PFKFB3: variants seen among roughly 807,000 people sequenced by gnomAD.
PFKFB3 encodes the protein 6-phosphofructo-2-kinase/fructose-2,6-biphosphatase 3, also known as 6-phosphofructo-2-kinase/fructose-2,6-bisphosphatase 3.
Under a neutral mutation model 68.0 loss-of-function variants are expected in PFKFB3, and 33 were observed. The observed-to-expected ratio is 0.49, with a 90% CI of 0.37 to 0.65. PFKFB3 has a LOEUF of 0.65. PFKFB3 is among the 30% of genes least tolerant of loss of function. The pLI is 0.00. For synonymous variants in PFKFB3, 315 were observed against 288.2 expected (o/e 1.09, Z -0.94); for missense variants, 586 against 712.2 (o/e 0.82, Z 2.02).
chr10:6,216,348 T>C (rs2516623), intron 4 of PFKFB3, among the ~76,000 whole-genome samples, 157 bp downstream of exon 4: 135,574 of 151,940 alleles, frequency 0.89, 62,503 homozygotes, highest in East Asian at 1. Context: ...GGATGTGGGG[T>C]GGACTCAGGG....
In PFKFB3 at chr10:6,195,116, C is replaced by T. The variant is rs149278267; in HGVS notation, c.17-18507C>T. ...TGAACTCCTGAGCTAAAGTGATCTG[C>T]CTGCCTCAGCCTCCCAAAGTGCTGG... is the stretch of plus-strand genomic sequence containing the variant. On this transcript the variant is annotated intron_variant, in intron 1 of 14. Transcript: ENST00000379789. Among the ~76,000 whole-genome samples, 25 of 152,266 alleles carry T rather than the reference C, an allele frequency of 1.6e-4. No individual in the cohort carries two copies. The East Asian group carries it at 4.8e-3, about 29-fold the overall frequency.
chr10:6,170,341 C>T (rs1842270122), intron 1 of PFKFB3, among the ~76,000 whole-genome samples: 1 of 152,204 alleles, frequency 6.6e-6, no homozygotes, highest in Non-Finnish European at 1.5e-5. Flanking sequence ...AACCCACCTT[C>T]TAGACTCACT....
rs1419769694 is a variant in PFKFB3, at chr10:6,154,874, C to T, written c.16+9861C>T. Among the ~76,000 whole-genome samples the T allele has an allele frequency of 2.0e-5, 3 of 152,312 alleles. No homozygotes were observed. Among genetic ancestry groups the T allele is most frequent in the East Asian group, 3.9e-4 (2 of 5,178 alleles). ...CTGGGTTGTAGTGAGCTGCGGGGAG[C>T]CCGCACTGCCACAGCAGCTGCACCT... On this transcript the variant is annotated intron_variant, in intron 1 of 14. Transcript: ENST00000379789. The surrounding 1 kb of genome is among the most constrained non-coding windows in gnomAD (Gnocchi z 4.6).
At chr10:6,278,485 C>A in the PFKFB3 span, among the ~76,000 whole-genome samples, 15 of 152,018 alleles carry the variant, frequency 9.9e-5, no homozygotes, top group Non-Finnish European at 2.1e-4. Flanking sequence ...CCATGTTGTT[C>A]AGGCTGGTCT....
At chr10:6,211,600 C>T (rs1480239688) in intron 1 of PFKFB3, among the ~76,000 whole-genome samples, 1 of 152,166 alleles carries the variant, frequency 6.6e-6, no homozygotes, top group Admixed American at 6.5e-5. Context: ...ACCATCTCTC[C>T]GTGTGCCCCT....
intron 13 of PFKFB3, chr10:6,224,708 A>G (rs1050497496): frequency 6.3e-6 from 2 of 318,958 alleles, no homozygotes; most frequent in Non-Finnish European, 1.2e-5. Context: ...GCTGGTCTTG[A>G]ACTCCTGGGC....
At chr10:6,299,648 A>G in the PFKFB3 span, among the ~76,000 whole-genome samples, 1 of 152,222 alleles carries the variant, frequency 6.6e-6, no homozygotes, top group Non-Finnish European at 1.5e-5. Flanking sequence ...TTATACAGGA[A>G]TTGCTTGACC....
intron 1 of PFKFB3, among the ~76,000 whole-genome samples, chr10:6,195,818 C>T (rs764629243): frequency 6.6e-6 from 1 of 152,180 alleles, no homozygotes. Context: ...TGGTGTGATA[C>T]GTGAGTTTCT....
upstream of PFKFB3, among the ~76,000 whole-genome samples, chr10:6,199,278 T>C (rs372055245): frequency 5.3e-5 from 8 of 152,206 alleles, no homozygotes; most frequent in East Asian, 1.9e-4. Flanking sequence ...AACCTGGCTA[T>C]GGCTGGCACA....
intron 1 of PFKFB3, among the ~76,000 whole-genome samples, chr10:6,151,813 G>A (rs1292983679): frequency 6.6e-6 from 1 of 152,114 alleles, no homozygotes; most frequent in Non-Finnish European, 1.5e-5. Flanking sequence ...TGATGCAGGC[G>A]GACTTCAGGG....
chr10:6,306,279 C>T, the PFKFB3 span, among the ~76,000 whole-genome samples: 2 of 152,256 alleles, frequency 1.3e-5, no homozygotes, highest in African/African-American at 4.8e-5. Flanking sequence ...GGCTTTGTCT[C>T]CTGTCCCTGA....
intron 1 of PFKFB3, among the ~76,000 whole-genome samples, chr10:6,172,448 G>A (rs1417731216): frequency 2.0e-5 from 3 of 152,166 alleles, no homozygotes; most frequent in Non-Finnish European, 2.9e-5. Context: ...GTGAGCAAAC[G>A]TTCAGAAAGC....
intron 14 of PFKFB3, among the ~76,000 whole-genome samples, chr10:6,245,500 TCAA>T (rs1234569554): frequency 6.6e-6 from 1 of 151,948 alleles, no homozygotes. Flanking sequence ...CACTGCAGTC[TCAA>T]CTTCCTAGGT....
At chr10:6,172,733 G>C (rs946321517) in intron 1 of PFKFB3, among the ~76,000 whole-genome samples, 2 of 151,976 alleles carry the variant, frequency 1.3e-5, no homozygotes, top group Non-Finnish European at 2.9e-5. Flanking sequence ...CAGGCAGGAG[G>C]ATTGCTTGAG....
intron 14 of PFKFB3, among the ~76,000 whole-genome samples, chr10:6,247,324 C>T (rs1337947649): frequency 6.6e-6 from 1 of 152,198 alleles, no homozygotes. Context: ...AAGGCTTTGC[C>T]TCTGACACAG....
chr10:6,203,068 C>G lies in PFKFB3; in HGVS notation c.-193C>G. 7.1e-7 allele frequency: 1 copy of G among 1,399,836 alleles called. No homozygotes were observed. The allele number at this position is 1,399,836 out of a possible 1,614,324, so 86.7% of individuals were successfully genotyped here. On this transcript the variant is annotated 5_prime_UTR_variant, in exon 1 of 15. Coordinates refer to ENST00000379775, the MANE Select transcript of PFKFB3 (RefSeq NM_004566.4). ...CCCCAGCCTCGCTACCCTCGCAGCA[C>G]ACGTCGAGCCCCGCACAGGCGAGGG...
At chr10:6,147,260 G>T (rs1225884265) in intron 1 of PFKFB3, among the ~76,000 whole-genome samples, 1 of 152,230 alleles carries the variant, frequency 6.6e-6, no homozygotes, top group Admixed American at 6.5e-5. Flanking sequence ...ACCTTTGAGC[G>T]ATCTGAATGT....
intron 14 of PFKFB3, among the ~76,000 whole-genome samples, chr10:6,250,444 G>A (rs895013291): frequency 1.2e-4 from 18 of 151,998 alleles, no homozygotes; most frequent in Non-Finnish European, 1.8e-4. Flanking sequence ...GGTGGCGGGC[G>A]CCTGTAGTCC....
At chr10:6,202,108 G>C (rs1380952746), upstream of PFKFB3, among the ~76,000 whole-genome samples, 1 of 152,226 alleles carries the variant, frequency 6.6e-6, no homozygotes, top group Admixed American at 6.5e-5. Flanking sequence ...TCTACTCGGG[G>C]CGATAAAGGT....
Sources: gnomAD v4.1 joint callset for allele counts (sites outside exome capture counted in the v4.1 genomes callset) on GRCh38, gnomAD v4.1.1 for gene constraint, Gnocchi (gnomAD v3.1) non-coding constraint, MANE v1.5 for transcripts, NCBI Gene and HGNC (gene_info 2026-07-23, HGNC 2026-07-21) for gene names.